The following MALRD1 variants were observed in gnomAD, a reference collection of about 807,000 sequenced individuals.
The protein encoded by MALRD1 is MAM and LDL receptor class A domain containing 1.
In MALRD1, 247 loss-of-function variants were observed where a neutral mutation model predicts 242.1. The observed-to-expected ratio is 1.02, with a 90% CI of 0.92 to 1.13. The LOEUF (loss-of-function observed/expected upper bound fraction) is 1.13, where lower values mean the gene tolerates loss of function less well. MALRD1 is among the 50% of genes most tolerant of loss of function. The pLI is 0.00. For missense variants in MALRD1, 2,989 were observed against 2,533.1 expected, an observed-to-expected ratio of 1.18 and a Z score of -3.86; for synonymous variants, 995 against 866.6, an observed-to-expected ratio of 1.15 and a Z score of -2.60.
chr10:19,066,995 T>C, intron 2 of MALRD1, 136 bp downstream of exon 2: 1 of 562,776 alleles, frequency 1.8e-6, no homozygotes, highest in Non-Finnish European at 2.7e-6. Context: ...CAGAATCTTG[T>C]CTGATATTTA....
chr10:19,509,376 A>G (rs1344506428), intron 31 of MALRD1, among the ~76,000 whole-genome samples: 1 of 152,102 alleles, frequency 6.6e-6, no homozygotes, highest in African/African-American at 2.4e-5. Flanking sequence ...ACTGGCTGAA[A>G]TTTGTCTTTT....
At position 19,331,509 on chromosome 10, in the gene MALRD1, C is replaced by T. The variant is rs752133698; in HGVS notation, c.3828C>T (p.Cys1276=). Residue 1276 remains cysteine (C), a synonymous_variant, in exon 24 of 40, where the codon TGC becomes TGT. Coordinates refer to ENST00000454679, the MANE Select transcript of MALRD1 (RefSeq NM_001142308.3). The part of the protein sequence containing the change: ...DHEFMCANKH[C]IAKDKLCDFV... ...AATTCATGTGTGCTAATAAGCACTG[C>T]ATTGCCAAAGACAAGCTGTGTGATT... The T allele has an allele frequency of 2.5e-5, 39 of 1,550,166 alleles. No individual in the cohort carries two copies. The highest frequency in any genetic ancestry group is 4.9e-5 in the East Asian group (2 of 40,896).
At chr10:19,294,732 G>C (rs1841609583) in intron 21 of MALRD1, among the ~76,000 whole-genome samples, 1 of 151,982 alleles carries the variant, frequency 6.6e-6, no homozygotes, top group Non-Finnish European at 1.5e-5. Flanking sequence ...ATAATACAAT[G>C]GGTAAAAACC....
At chr10:19,570,997 G>A (rs1279898541) in intron 33 of MALRD1, among the ~76,000 whole-genome samples, 1 of 152,008 alleles carries the variant, frequency 6.6e-6, no homozygotes, top group Non-Finnish European at 1.5e-5. Context: ...CCTAAATGAA[G>A]TTATTTGTTG....
In MALRD1 at chr10:19,286,049, C is replaced by G. The variant is rs1369418099; in HGVS notation, c.3419+2868C>G. ...GGGAGTTCACTCGTGATTTGGCTCTCTGTTTGTCTGTTGTTGGTGTATAAG... is the reference window on the plus strand; with the variant it reads ...GGGAGTTCACTCGTGATTTGGCTCTGTGTTTGTCTGTTGTTGGTGTATAAG... On this transcript the variant is annotated intron_variant, in intron 21 of 39. Transcript: ENST00000454679. 7.0e-5 allele frequency among the ~76,000 whole-genome samples: 9 copies of G among 129,368 alleles called. No homozygotes were observed. The Admixed American group carries it at 8.0e-4, about 12-fold the overall frequency. 84.9% of individuals were successfully genotyped at this position (129,368 alleles called of 152,430 possible).
chr10:19,186,945 C>T (rs1835761753), intron 14 of MALRD1, among the ~76,000 whole-genome samples: 1 of 152,160 alleles, frequency 6.6e-6, no homozygotes, highest in Non-Finnish European at 1.5e-5. Flanking sequence ...AGCATCCAAG[C>T]AATCGACGTC....
At chr10:19,223,792 T>G (rs1215811276) in intron 18 of MALRD1, among the ~76,000 whole-genome samples, 2 of 152,148 alleles carry the variant, frequency 1.3e-5, no homozygotes, top group African/African-American at 4.8e-5. Context: ...AGTGAGAACA[T>G]GTGGTGTTTG....
intron 18 of MALRD1, among the ~76,000 whole-genome samples, chr10:19,246,425 A>G (rs2131766939): frequency 6.6e-6 from 1 of 152,268 alleles, no homozygotes; most frequent in Non-Finnish European, 1.5e-5. Context: ...GGCTGGCATG[A>G]GGCGCTAGTG....
chr10:19,361,978 A>AT (rs1213046542), intron 26 of MALRD1, among the ~76,000 whole-genome samples: 1 of 152,100 alleles, frequency 6.6e-6, no homozygotes, highest in African/African-American at 2.4e-5. Flanking sequence ...AATTTTACTT[A>AT]TAGGACCCTT....
At chr10:19,324,190 T>A in intron 22 of MALRD1, 85 bp downstream of exon 22, 1 of 1,311,140 alleles carries the variant, frequency 7.6e-7, no homozygotes, top group Non-Finnish European at 1.0e-6. Context: ...TATATTCTGT[T>A]AATAAGTGAA....
chr10:19,211,775 T>C (rs1468148477), intron 18 of MALRD1, among the ~76,000 whole-genome samples: 1 of 148,102 alleles, frequency 6.8e-6, no homozygotes, highest in Non-Finnish European at 1.5e-5. Context: ...CTCCATTAAA[T>C]GATGGATGGA....
chr10:19,511,817 C>T (rs892190949), intron 31 of MALRD1, among the ~76,000 whole-genome samples: 5 of 152,010 alleles, frequency 3.3e-5, no homozygotes, highest in Non-Finnish European at 7.4e-5. Context: ...GGCATTATCT[C>T]ACCATTTGTA....
intron 5 of MALRD1, among the ~76,000 whole-genome samples, chr10:19,119,221 G>T (rs1836977315): frequency 6.6e-6 from 1 of 152,150 alleles, no homozygotes; most frequent in African/African-American, 2.4e-5. Context: ...ACTGGGATAA[G>T]AAAGGCTGTG....
chr10:19,125,382 C>CTTTTTCTTTCTTTCT (rs1564408171), intron 7 of MALRD1, among the ~76,000 whole-genome samples: 4 of 62,502 alleles, frequency 6.4e-5, no homozygotes, highest in African/African-American at 3.0e-4. Context: ...TCTTTCTTTC[C>CTTTTTCTTTCTTTCT]TTCCTTCCTT....
chr10:19,146,168 C>T (rs1348693668), intron 10 of MALRD1, 30 bp from the exon 11 acceptor site: 1 of 1,231,244 alleles, frequency 8.1e-7, no homozygotes, highest in African/African-American at 1.6e-5. Context: ...TTCATTTCTC[C>T]TCACCTGTTT....
intron 24 of MALRD1, among the ~76,000 whole-genome samples, chr10:19,347,324 C>T (rs576283357): frequency 6.6e-6 from 1 of 152,158 alleles, no homozygotes; most frequent in East Asian, 1.9e-4. Context: ...ACAATTTTCT[C>T]TAAAATAAAG....
At chr10:19,333,586 T>TGA (rs1318625741) in intron 24 of MALRD1, among the ~76,000 whole-genome samples, 2 of 152,200 alleles carry the variant, frequency 1.3e-5, no homozygotes, top group Non-Finnish European at 2.9e-5. Flanking sequence ...TTTGCTATTG[T>TGA]GAATCGTGCT....
intron 29 of MALRD1, among the ~76,000 whole-genome samples, chr10:19,470,065 T>C (rs987836159): frequency 6.6e-6 from 1 of 152,040 alleles, no homozygotes; most frequent in African/African-American, 2.4e-5. Context: ...TTATTTATCT[T>C]GCATAACTGA....
At chr10:19,108,121 A>G (rs1052513261) in intron 5 of MALRD1, among the ~76,000 whole-genome samples, 1 of 152,136 alleles carries the variant, frequency 6.6e-6, no homozygotes. Flanking sequence ...TGGAAATTGT[A>G]TAATGCAAAA....
Sources: allele counts gnomAD v4.1 joint callset (sites outside exome capture counted in the v4.1 genomes callset), GRCh38; gene constraint gnomAD v4.1.1; transcripts MANE v1.5; gene names NCBI Gene and HGNC (gene_info 2026-07-23, HGNC 2026-07-21).